DNAJA4: variants seen among roughly 807,000 people sequenced by gnomAD.
DNAJA4 encodes DnaJ heat shock protein family (Hsp40) member A4.
Under a neutral mutation model 39.7 loss-of-function variants are expected in DNAJA4, and 32 were observed. That is an observed-to-expected ratio of 0.81 (90% confidence interval 0.61 to 1.08). The LOEUF is 1.08. DNAJA4 is among the 50% of genes least tolerant of loss of function. The pLI is 0.00. For synonymous variants in DNAJA4, 184 were observed against 182.4 expected, an observed-to-expected ratio of 1.01 and a Z score of -0.07; for missense variants, 439 against 505.1, an observed-to-expected ratio of 0.87 and a Z score of 1.25.
intron 1 of DNAJA4, among the ~76,000 whole-genome samples, chr15:78,268,558 A>G (rs1251586334): frequency 2.6e-5 from 4 of 152,184 alleles, no homozygotes; most frequent in Non-Finnish European, 5.9e-5. Context: ...TCCTTATTTC[A>G]TGGCACTTTT....
At chr15:78,277,572 C>T (rs1464262719) in intron 5 of DNAJA4, among the ~76,000 whole-genome samples, 1 of 152,188 alleles carries the variant, frequency 6.6e-6, no homozygotes, top group Non-Finnish European at 1.5e-5. Flanking sequence ...AGCTCAACAC[C>T]CTGGCATTGT....
intron 1 of DNAJA4, among the ~76,000 whole-genome samples, chr15:78,267,183 T>TGTGTGAGTGTGTGA (rs1371286322): frequency 8.1e-4 from 60 of 74,212 alleles, no homozygotes; most frequent in African/African-American, 2.9e-3. Context: ...AGTGTGTGAG[T>TGTGTGAGTGTGTGA]GTGTGTGTGA....
chr15:78,265,702 T>C, intron 1 of DNAJA4: 1 of 698,774 alleles, frequency 1.4e-6, no homozygotes. Context: ...GGATGAGGCA[T>C]TGCAAGGAAA....
chr15:78,278,015 C>T (rs2049522160), intron 5 of DNAJA4: 7 of 455,556 alleles, frequency 1.5e-5, no homozygotes, highest in South Asian at 4.7e-5. Context: ...TCCATTTTCT[C>T]TTCTCCCTCT....
rs577496972 is a variant in DNAJA4, at chr15:78,273,567, G to A, written c.418+368G>A. On this transcript the variant is annotated intron_variant, in intron 3 of 6. Transcript: ENST00000394852. ...ATCTAGGGGTTGGCAGACTTTTTCTGTAAAGAGCCAGATTTTAGGCTTTCC... is the reference window on the plus strand; with the variant it reads ...ATCTAGGGGTTGGCAGACTTTTTCTATAAAGAGCCAGATTTTAGGCTTTCC... Among the ~76,000 whole-genome samples the A allele has an allele frequency of 1.7e-4, 26 of 152,296 alleles. 1 individual carries two copies. Among genetic ancestry groups the A allele is most frequent in the Admixed American group, 1.2e-3 (18 of 15,300 alleles).
intron 3 of DNAJA4, 21 bp downstream of exon 3, chr15:78,273,220 G>A (rs760588914): frequency 3.8e-6 from 5 of 1,304,786 alleles, no homozygotes; most frequent in Non-Finnish European, 4.5e-6. Flanking sequence ...ATTTTTGACT[G>A]AACCGCACAG....
At chr15:78,277,306 C>T (rs574859558) in intron 5 of DNAJA4, among the ~76,000 whole-genome samples, 2 of 152,158 alleles carry the variant, frequency 1.3e-5, no homozygotes, top group Admixed American at 6.5e-5. Flanking sequence ...CAGCCACATG[C>T]CACCACGCCC....
chr15:78,270,154 T>TA (rs2049253581), intron 1 of DNAJA4: 1 of 188,508 alleles, frequency 5.3e-6, no homozygotes, highest in African/African-American at 2.3e-5. Context: ...TCTATCTGGT[T>TA]AGAGGTTCAC....
intron 1 of DNAJA4, among the ~76,000 whole-genome samples, chr15:78,267,160 A>ATGTGCGTG (rs1172183770): frequency 1.5e-5 from 2 of 131,162 alleles, no homozygotes; most frequent in African/African-American, 3.3e-5. Context: ...GTGAGTGTGT[A>ATGTGCGTG]TGTGAGTGTG....
rs1319578756 is a variant in DNAJA4, at chr15:78,273,083, T to C, written c.314-12T>C. Reference sequence around the variant, plus strand: ...CATTCAACGCCACTAATTTTTTTTCTCCCTTGCTAAGGCAAGAATGTTGTA... The same window carrying C: ...CATTCAACGCCACTAATTTTTTTTCCCCCTTGCTAAGGCAAGAATGTTGTA... On this transcript the variant is annotated splice_polypyrimidine_tract_variant and intron_variant, in intron 2 of 6. Coordinates refer to ENST00000394852, the MANE Select transcript of DNAJA4 (RefSeq NM_001130182.2). 1.3e-6 allele frequency: 2 copies of C among 1,493,836 alleles called. No individual in the cohort carries two copies. Among genetic ancestry groups the C allele is most frequent in the African/African-American group, 1.4e-5 (1 of 72,298 alleles). The allele number at this position is 1,493,836 out of a possible 1,614,324, so 92.5% of individuals were successfully genotyped here.
rs149976022 is a variant in DNAJA4 at position 78,265,449 on chromosome 15, T to C, written c.132+554T>C. 3.6e-3 allele frequency: 2,534 copies of C among 702,146 alleles called. 7 individuals carry two copies. The highest frequency in any genetic ancestry group is 6.3e-3 in the Admixed American group (313 of 49,988). 43.5% of individuals were successfully genotyped at this position (702,146 alleles called of 1,614,324 possible). A position where few individuals can be genotyped will look rare whatever the true frequency, so the allele number is the denominator to read the frequency against. On this transcript the variant is annotated intron_variant, in intron 1 of 6. Coordinates refer to ENST00000394852, the MANE Select transcript of DNAJA4 (RefSeq NM_001130182.2). ...CTGCCTACCTGATAAAAGCGTCAGATAGTGAATAATCCCATTTTCTTTATT... is the reference window on the plus strand; with the variant it reads ...CTGCCTACCTGATAAAAGCGTCAGACAGTGAATAATCCCATTTTCTTTATT...
chr15:78,267,754 C>T (rs535279414), intron 1 of DNAJA4, among the ~76,000 whole-genome samples: 2 of 152,320 alleles, frequency 1.3e-5, no homozygotes, highest in Admixed American at 6.5e-5. Flanking sequence ...AAGCTTTCCC[C>T]AGTATGATCA....
chr15:78,269,765 TTCTA>T (rs1341766989), intron 1 of DNAJA4, among the ~76,000 whole-genome samples: 1 of 152,204 alleles, frequency 6.6e-6, no homozygotes, highest in African/African-American at 2.4e-5. Context: ...ATTCGTTTTT[TTCTA>T]TCTTTTAATT....
intron 2 of DNAJA4, among the ~76,000 whole-genome samples, chr15:78,271,356 C>CT (rs1390926964): frequency 4.6e-5 from 7 of 152,110 alleles, no homozygotes; most frequent in Non-Finnish European, 8.8e-5. Context: ...GAGAGTGTTC[C>CT]TCTCTCCTCT....
chr15:78,275,795 C>T, intron 5 of DNAJA4, 67 bp downstream of exon 5: 1 of 1,173,018 alleles, frequency 8.5e-7, no homozygotes, highest in South Asian at 1.4e-5. Context: ...GGCAAGTTAG[C>T]CTGATTTTTT....
At chr15:78,267,419 T>C (rs557303636) in intron 1 of DNAJA4, among the ~76,000 whole-genome samples, 2 of 152,248 alleles carry the variant, frequency 1.3e-5, no homozygotes, top group Non-Finnish European at 2.9e-5. Context: ...TGGGGCACCT[T>C]GTGTTTTTTG....
intron 2 of DNAJA4, among the ~76,000 whole-genome samples, chr15:78,272,382 C>T (rs757605309): frequency 3.3e-5 from 5 of 152,206 alleles, no homozygotes; most frequent in African/African-American, 2.4e-5. Flanking sequence ...TCTTGTCCAG[C>T]TCCCTCACTG....
intron 1 of DNAJA4, chr15:78,265,340 G>C: frequency 1.6e-6 from 1 of 624,958 alleles, no homozygotes; most frequent in Non-Finnish European, 2.9e-6. Context: ...CCCTAGGGAT[G>C]AGTGTCTTTA....
At chr15:78,276,934 C>G (rs1464705264) in intron 5 of DNAJA4, among the ~76,000 whole-genome samples, 1 of 152,198 alleles carries the variant, frequency 6.6e-6, no homozygotes, top group African/African-American at 2.4e-5. Flanking sequence ...TGCTCTTTTT[C>G]TCTTTCCTCT....
Sources: gnomAD v4.1 joint callset for allele counts (sites outside exome capture counted in the v4.1 genomes callset) on GRCh38, gnomAD v4.1.1 for gene constraint, MANE v1.5 for transcripts, NCBI Gene and HGNC (gene_info 2026-07-23, HGNC 2026-07-21) for gene names.